The following NAALADL2 variants were observed in gnomAD, a reference collection of about 807,000 sequenced individuals.
NAALADL2 encodes N-acetylated alpha-linked acidic dipeptidase like 2.
NAALADL2 carries 76 observed loss-of-function variants against 87.2 expected under a neutral mutation model. The observed-to-expected ratio is 0.87, with a 90% CI of 0.72 to 1.05. NAALADL2 has a LOEUF of 1.05. Ranked by LOEUF, NAALADL2 falls within the 50% of genes least tolerant of loss-of-function variation. NAALADL2 has a pLI of 0.00. For synonymous variants in NAALADL2, 354 were observed against 331.0 expected (o/e 1.07, Z -0.75); for missense variants, 1,089 against 945.8 (o/e 1.15, Z -1.99).
chr3:175,248,440 G>A (rs895851922), intron 3 of NAALADL2, among the ~76,000 whole-genome samples: 1 of 152,022 alleles, frequency 6.6e-6, no homozygotes, highest in Non-Finnish European at 1.5e-5. Flanking sequence ...TTTATGTATC[G>A]ATTTATTATT....
At chr3:175,484,671 G>A (rs749390391) in intron 9 of NAALADL2, among the ~76,000 whole-genome samples, 4 of 152,092 alleles carry the variant, frequency 2.6e-5, no homozygotes, top group Non-Finnish European at 4.4e-5. Flanking sequence ...AATTGATTTA[G>A]TGTTGATTAG....
At chr3:175,149,387 A>G (rs1400989259) in intron 2 of NAALADL2, among the ~76,000 whole-genome samples, 1 of 152,206 alleles carries the variant, frequency 6.6e-6, no homozygotes, top group Admixed American at 6.5e-5. Context: ...AAGGAAAGAC[A>G]GTCTCAAATT....
intron 3 of NAALADL2, among the ~76,000 whole-genome samples, chr3:174,818,066 T>C (rs916674698): frequency 1.3e-5 from 2 of 152,164 alleles, no homozygotes; most frequent in African/African-American, 4.8e-5. Flanking sequence ...TTGATTTGTG[T>C]CTGTTGTTAG....
intron 5 of NAALADL2, among the ~76,000 whole-genome samples, chr3:175,446,942 A>G (rs1720809140): frequency 6.6e-6 from 1 of 152,030 alleles, no homozygotes; most frequent in South Asian, 2.1e-4. Flanking sequence ...ATGCTTTCTC[A>G]TTCTTTTGTC....
chr3:175,441,165 C>G (rs546237751), intron 5 of NAALADL2, among the ~76,000 whole-genome samples: 1 of 151,782 alleles, frequency 6.6e-6, no homozygotes. Context: ...ATGGATTCAA[C>G]TAACTACAGA....
At chr3:174,795,007 T>C (rs1717916922) in intron 3 of NAALADL2, among the ~76,000 whole-genome samples, 1 of 144,166 alleles carries the variant, frequency 6.9e-6, no homozygotes, top group Non-Finnish European at 1.5e-5. Context: ...TTTTTTTTTT[T>C]TGAGACAGAG....
chr3:175,633,823 A>T (rs1358735600), intron 11 of NAALADL2, among the ~76,000 whole-genome samples: 1 of 151,688 alleles, frequency 6.6e-6, no homozygotes, highest in Non-Finnish European at 1.5e-5. Flanking sequence ...TACGTATTAC[A>T]AAAACAGGAA....
Position 175,234,049 on chromosome 3 carries a change from G to C in NAALADL2, c.664G>C (p.Asp222His), listed in dbSNP as rs765572677. 5.0e-6 allele frequency: 8 copies of C among 1,613,806 alleles called. No homozygotes were observed. Among genetic ancestry groups the C allele is most frequent in the Non-Finnish European group, 6.8e-6 (8 of 1,179,852 alleles). The change falls in exon 3 of 14, where the codon GAT (aspartate) becomes CAT (histidine). Residue 222 changes from aspartate to histidine, a missense_variant. Physicochemically the swap from Asp to His is moderately conservative, Grantham distance 81. Transcript: ENST00000454872. The stretch of plus-strand genomic sequence containing the variant: ...GTTTGTAAATTACTCTGTGCTGCTT[G>C]ATCTGCCAGGCCCTTCTCCCAGCAC... ...VQFVNYSVLL[D>H]LPGPSPSTVT...
chr3:174,742,611 G>A (rs901952194), intron 3 of NAALADL2, among the ~76,000 whole-genome samples: 7 of 151,532 alleles, frequency 4.6e-5, no homozygotes, highest in African/African-American at 1.7e-4. Context: ...TTACTTTTCT[G>A]TTACATAATT....
chr3:175,343,626 TGC>T (rs1197401204), intron 5 of NAALADL2, among the ~76,000 whole-genome samples: 16 of 149,324 alleles, frequency 1.1e-4, no homozygotes, highest in African/African-American at 3.9e-4. Flanking sequence ...TCTACGGGTC[TGC>T]CTGGAGTTCC....
At chr3:174,736,030 T>A (rs1733161816) in intron 2 of NAALADL2, among the ~76,000 whole-genome samples, 1 of 152,066 alleles carries the variant, frequency 6.6e-6, no homozygotes, top group Non-Finnish European at 1.5e-5. Context: ...GGGTGCTGGC[T>A]CCCTGTGAGG....
chr3:175,374,547 T>G lies in NAALADL2; in HGVS notation c.1090+50222T>G, dbSNP rs187936574. 3.2e-3 allele frequency among the ~76,000 whole-genome samples: 277 copies of G among 87,526 alleles called. 1 individual carries two copies. Among genetic ancestry groups the G allele is most frequent in the African/African-American group, 0.012 (267 of 21,712 alleles). The allele number at this position is 87,526 out of a possible 152,430, so 57.4% of individuals were successfully genotyped here. A position where few individuals can be genotyped will look rare whatever the true frequency, so the allele number is the denominator to read the frequency against. On this transcript the variant is annotated intron_variant, in intron 5 of 13. Coordinates refer to ENST00000454872, the MANE Select transcript of NAALADL2 (RefSeq NM_207015.3). ...TGACAGAGTGCTGAGTACCACTGCA[T>G]CTCCAGAAAAAAAAAAAAAAAAAAA... is the stretch of plus-strand genomic sequence containing the variant.
At chr3:174,842,529 T>C (rs1724144402) in intron 3 of NAALADL2, among the ~76,000 whole-genome samples, 1 of 152,212 alleles carries the variant, frequency 6.6e-6, no homozygotes, top group Admixed American at 6.5e-5. Context: ...TGTTATGGCA[T>C]TTAAGATTTC....
intron 5 of NAALADL2, among the ~76,000 whole-genome samples, chr3:175,408,709 G>A (rs932895824): frequency 6.6e-6 from 1 of 151,928 alleles, no homozygotes; most frequent in African/African-American, 2.4e-5. Context: ...GCATAAACAT[G>A]TTATCATCTC....
chr3:175,578,349 C>G (rs1231904699), intron 10 of NAALADL2, among the ~76,000 whole-genome samples: 1 of 151,954 alleles, frequency 6.6e-6, no homozygotes, highest in Admixed American at 6.6e-5. Context: ...GGGAGGATCG[C>G]TGGAGCCCTG....
At chr3:175,446,350 T>C (rs989754803) in intron 5 of NAALADL2, among the ~76,000 whole-genome samples, 3 of 152,044 alleles carry the variant, frequency 2.0e-5, no homozygotes, top group African/African-American at 7.2e-5. Context: ...CAAGCTATTC[T>C]CCTGCCTCGG....
At chr3:175,266,966 T>C (rs1264896230) in intron 4 of NAALADL2, among the ~76,000 whole-genome samples, 3 of 151,836 alleles carry the variant, frequency 2.0e-5, no homozygotes, top group African/African-American at 7.2e-5. Context: ...TTGGCTATTA[T>C]CAAACCTTAT....
chr3:175,328,946 A>C (rs1761082981), intron 5 of NAALADL2, among the ~76,000 whole-genome samples: 1 of 152,228 alleles, frequency 6.6e-6, no homozygotes, highest in Non-Finnish European at 1.5e-5. Context: ...CAAATTTCTC[A>C]GCAGTAAGAT....
At chr3:174,654,910 T>C (rs1053408399) in intron 2 of NAALADL2, among the ~76,000 whole-genome samples, 2 of 152,072 alleles carry the variant, frequency 1.3e-5, no homozygotes, top group African/African-American at 4.8e-5. Flanking sequence ...TAATTTTTTG[T>C]ATTTTTAGTA....
Sources: gnomAD v4.1 joint callset for allele counts (sites outside exome capture counted in the v4.1 genomes callset) on GRCh38, gnomAD v4.1.1 for gene constraint, MANE v1.5 for transcripts, NCBI Gene and HGNC (gene_info 2026-07-23, HGNC 2026-07-21) for gene names.